Variants in LUZP2 observed in about 807,000 individuals in gnomAD.
LUZP2 encodes leucine zipper protein 2.
Under a neutral mutation model 51.6 loss-of-function variants are expected in LUZP2, and 52 were observed. The ratio of observed to expected loss-of-function variants is 1.01; its 90% confidence interval spans 0.81 to 1.27. LUZP2 has a LOEUF of 1.27. Among genes scored for constraint, LUZP2 ranks in the 50% most tolerant of loss-of-function variants. The pLI is 0.00. For missense variants in LUZP2, 436 were observed against 395.4 expected (o/e 1.10, Z -0.87); for synonymous variants, 154 against 137.3 (o/e 1.12, Z -0.85).
At chr11:24,989,700 G>A (rs146991650) in intron 9 of LUZP2, among the ~76,000 whole-genome samples, 141 of 152,158 alleles carry the variant, frequency 9.3e-4, no homozygotes, top group African/African-American at 3.2e-3. Context: ...GTGAAACTGA[G>A]CTTGCCAAAT....
At chr11:24,814,707 T>C (rs1237020201) in intron 5 of LUZP2, among the ~76,000 whole-genome samples, 1 of 152,112 alleles carries the variant, frequency 6.6e-6, no homozygotes, top group African/African-American at 2.4e-5. Flanking sequence ...AAACAATCAG[T>C]ATGTGCCGGG....
intron 1 of LUZP2, among the ~76,000 whole-genome samples, chr11:24,562,789 G>A (rs944675502): frequency 4.0e-5 from 6 of 151,324 alleles, no homozygotes; most frequent in Non-Finnish European, 7.4e-5. Flanking sequence ...ATGAACCCGG[G>A]AGGCGAAGCT....
At chr11:24,625,382 A>T (rs1854641718) in intron 1 of LUZP2, among the ~76,000 whole-genome samples, 1 of 151,838 alleles carries the variant, frequency 6.6e-6, no homozygotes, top group African/African-American at 2.4e-5. Context: ...GAAGGAAGGA[A>T]GGAAGGTAGG....
intron 9 of LUZP2, among the ~76,000 whole-genome samples, chr11:25,009,167 G>C (rs746891092): frequency 9.2e-5 from 14 of 152,158 alleles, no homozygotes; most frequent in Non-Finnish European, 1.6e-4. Context: ...ATTTTGAGGA[G>C]GGAGGAACAG....
At position 24,566,331 on chromosome 11, in the gene LUZP2, T is replaced by TTTA. The variant is rs1254291152; in HGVS notation, c.62+69028_62+69029insATT. Among the ~76,000 whole-genome samples, 6 of 134,530 alleles carry TTTA rather than the reference T, an allele frequency of 4.5e-5. No homozygotes were observed. The East Asian group carries it at 1.2e-3, about 26-fold the overall frequency. 88.3% of individuals were successfully genotyped at this position (134,530 alleles called of 152,430 possible). On this transcript the variant is annotated intron_variant, in intron 1 of 11. Coordinates refer to ENST00000336930, the MANE Select transcript of LUZP2 (RefSeq NM_001009909.4). The stretch of plus-strand genomic sequence containing the variant: ...ATTTATTGTATTATTTATTTATTTT[T>TTTA]TTTTTTTTTTTTTTTTTGAGACGTA...
intron 5 of LUZP2, among the ~76,000 whole-genome samples, chr11:24,783,383 T>A (rs1590518350): frequency 6.6e-6 from 1 of 151,968 alleles, no homozygotes; most frequent in East Asian, 1.9e-4. Context: ...CACAATTTTA[T>A]AAATTTGCTC....
intron 5 of LUZP2, among the ~76,000 whole-genome samples, chr11:24,790,061 A>G (rs775369784): frequency 2.6e-5 from 4 of 152,146 alleles, no homozygotes; most frequent in Admixed American, 6.6e-5. Flanking sequence ...CTCGTATGCA[A>G]GAATATCTAA....
chr11:24,629,894 G>A (rs1854819170), intron 1 of LUZP2, among the ~76,000 whole-genome samples: 1 of 151,804 alleles, frequency 6.6e-6, no homozygotes, highest in Admixed American at 6.6e-5. Flanking sequence ...TTTCTGAGTT[G>A]GGTATGATAA....
intron 9 of LUZP2, among the ~76,000 whole-genome samples, chr11:24,995,046 G>C (rs575400143): frequency 8.5e-5 from 13 of 152,182 alleles, no homozygotes; most frequent in African/African-American, 2.9e-4. Flanking sequence ...CATTTCAATT[G>C]TATAACTGTT....
At chr11:24,547,924 A>G (rs922760558) in intron 1 of LUZP2, among the ~76,000 whole-genome samples, 6 of 152,148 alleles carry the variant, frequency 3.9e-5, no homozygotes, top group African/African-American at 1.4e-4. Flanking sequence ...GAAGACATCT[A>G]TGTGGCCAAT....
Position 24,855,332 on chromosome 11 carries a change from C to A in LUZP2, c.397-50659C>A, listed in dbSNP as rs181700594. Among the ~76,000 whole-genome samples, 617 of 152,120 alleles carry A rather than the reference C, an allele frequency of 4.1e-3. 5 individuals are homozygous for A. Among genetic ancestry groups the A allele is most frequent in the African/African-American group, 0.014 (594 of 41,480 alleles). On this transcript the variant is annotated intron_variant, in intron 5 of 11. Transcript: ENST00000336930. ...CAGTAACATTTCTATACACCAATAA[C>A]AAACAAGCTGAGAAACAACTCAAGA...
chr11:24,971,714 G>A (rs979683538), intron 7 of LUZP2, among the ~76,000 whole-genome samples: 1 of 151,988 alleles, frequency 6.6e-6, no homozygotes, highest in Admixed American at 6.6e-5. Flanking sequence ...TTCCAAACTG[G>A]AATCAAAGTA....
At chr11:24,646,708 AACTG>A in intron 1 of LUZP2, 1 of 531,788 alleles carries the variant, frequency 1.9e-6, no homozygotes, top group Non-Finnish European at 2.4e-6. Flanking sequence ...CATTGGCCAT[AACTG>A]TGTCCAGTAG....
chr11:24,863,788 T>C (rs1234177971), intron 5 of LUZP2, among the ~76,000 whole-genome samples: 1 of 152,212 alleles, frequency 6.6e-6, no homozygotes, highest in Non-Finnish European at 1.5e-5. Context: ...CATTCTTCAC[T>C]CAACCTCAGC....
chr11:24,776,442 G>A (rs1392037357), intron 5 of LUZP2, among the ~76,000 whole-genome samples: 1 of 152,102 alleles, frequency 6.6e-6, no homozygotes, highest in Non-Finnish European at 1.5e-5. Context: ...TCAAAACACA[G>A]ATTTCCCACA....
At chr11:24,977,372 A>T (rs1855909289) in intron 8 of LUZP2, among the ~76,000 whole-genome samples, 2 of 151,718 alleles carry the variant, frequency 1.3e-5, no homozygotes, top group South Asian at 4.1e-4. Flanking sequence ...ACACATTTTT[A>T]AAAATTACAT....
intron 5 of LUZP2, among the ~76,000 whole-genome samples, chr11:24,854,942 GC>G (rs1442396047): frequency 1.3e-5 from 2 of 152,098 alleles, no homozygotes; most frequent in Non-Finnish European, 2.9e-5. Flanking sequence ...GCTTTGGCTT[GC>G]CCTCCGTGAG....
chr11:24,837,373 T>A (rs1850891582), intron 5 of LUZP2, among the ~76,000 whole-genome samples: 1 of 151,560 alleles, frequency 6.6e-6, no homozygotes, highest in South Asian at 2.1e-4. Flanking sequence ...TAGAACCCAA[T>A]ATGAACCTTC....
At chr11:24,835,471 A>C (rs2134188534) in intron 5 of LUZP2, among the ~76,000 whole-genome samples, 1 of 152,304 alleles carries the variant, frequency 6.6e-6, no homozygotes, top group Middle Eastern at 3.4e-3. Flanking sequence ...GGTCTAATTA[A>C]ATTAAAGAGC....
Sources: gnomAD v4.1 joint callset for allele counts (sites outside exome capture counted in the v4.1 genomes callset) on GRCh38, gnomAD v4.1.1 for gene constraint, MANE v1.5 for transcripts, NCBI Gene and HGNC (gene_info 2026-07-23, HGNC 2026-07-21) for gene names.